Variants in NKAIN1 observed in about 807,000 individuals in gnomAD.
NKAIN1 encodes the protein sodium/potassium-transporting ATPase subunit beta-1-interacting protein 1.
NKAIN1 carries 13 observed loss-of-function variants against 31.6 expected under a neutral mutation model. The observed-to-expected ratio is 0.41, with a 90% CI of 0.27 to 0.65. The LOEUF (loss-of-function observed/expected upper bound fraction) is 0.65. Among genes scored for constraint, NKAIN1 ranks in the 30% least tolerant of loss-of-function variants. The pLI is 0.30. For synonymous variants in NKAIN1, 104 were observed against 109.0 expected (o/e 0.95, Z 0.28); for missense variants, 193 against 262.2 (o/e 0.74, Z 1.82).
At chr1:31,185,128 G>T in intron 3 of NKAIN1, 119 bp downstream of exon 3, 1 of 765,000 alleles carries the variant, frequency 1.3e-6, no homozygotes, top group Non-Finnish European at 2.2e-6. Context: ...ATTTGGGCAT[G>T]TAAGGAGAGA....
chr1:31,230,888 T>A (rs1375431844), intron 1 of NKAIN1, among the ~76,000 whole-genome samples: 1 of 148,672 alleles, frequency 6.7e-6, no homozygotes, highest in African/African-American at 2.5e-5. Context: ...ATTTTTTTTT[T>A]TTTTTTTTTT....
At chr1:31,229,347 G>A (rs143895785) in intron 1 of NKAIN1, among the ~76,000 whole-genome samples, 5 of 152,206 alleles carry the variant, frequency 3.3e-5, no homozygotes, top group African/African-American at 1.2e-4. Flanking sequence ...TCTGTAGTTT[G>A]AGACTTCATC....
At chr1:31,192,626 T>C (rs762655444) in intron 1 of NKAIN1, among the ~76,000 whole-genome samples, 15 of 151,686 alleles carry the variant, frequency 9.9e-5, no homozygotes, top group East Asian at 5.9e-4. Context: ...TATCAGCTCA[T>C]TGCAAGCTCC....
At chr1:31,184,553 G>A (rs1645227973) in intron 3 of NKAIN1, among the ~76,000 whole-genome samples, 1 of 152,144 alleles carries the variant, frequency 6.6e-6, no homozygotes. Context: ...ACCACATGAA[G>A]TTGCAGTTGC....
chr1:31,227,444 G>A (rs866789940), intron 1 of NKAIN1, among the ~76,000 whole-genome samples: 5 of 152,156 alleles, frequency 3.3e-5, no homozygotes, highest in African/African-American at 7.2e-5. Flanking sequence ...ATTCTGCTTC[G>A]GTGAAATAGA....
intron 1 of NKAIN1, among the ~76,000 whole-genome samples, chr1:31,219,735 T>C (rs973618862): frequency 2.0e-5 from 3 of 152,108 alleles, no homozygotes; most frequent in Non-Finnish European, 4.4e-5. Context: ...ACTCCAGGAG[T>C]AGCCCAAGGG....
intron 1 of NKAIN1, among the ~76,000 whole-genome samples, chr1:31,227,904 C>A (rs940624660): frequency 6.6e-6 from 1 of 152,154 alleles, no homozygotes; most frequent in African/African-American, 2.4e-5. Context: ...GTGTCAGAGT[C>A]CAGGGAGGGT....
At chr1:31,197,865 T>A (rs1645343480) in intron 1 of NKAIN1, among the ~76,000 whole-genome samples, 1 of 152,108 alleles carries the variant, frequency 6.6e-6, no homozygotes, top group South Asian at 2.1e-4. Context: ...CTTTTTATTT[T>A]TATTTTTTTG....
intron 1 of NKAIN1, among the ~76,000 whole-genome samples, chr1:31,201,708 G>C (rs1645381594): frequency 6.6e-6 from 1 of 152,276 alleles, no homozygotes; most frequent in East Asian, 1.9e-4. Flanking sequence ...CAGAGCAGTG[G>C]CAGGCTTGCC....
At chr1:31,210,331 C>A (rs1645458135) in intron 1 of NKAIN1, among the ~76,000 whole-genome samples, 2 of 150,164 alleles carry the variant, frequency 1.3e-5, no homozygotes. Flanking sequence ...CTCTGTCGCC[C>A]AGGCTGGAGT....
In NKAIN1 at chr1:31,185,312, C is replaced by T; in HGVS notation, c.208G>A (p.Val70Met). Residue 70 changes from valine (V) to methionine (M), a missense_variant, in exon 3 of 7, where the codon GTG (valine) becomes ATG (methionine). Val to Met is a conservative substitution (Grantham distance 21). Coordinates refer to ENST00000373736, the MANE Select transcript of NKAIN1 (RefSeq NM_024522.3). The part of the protein sequence containing the change: ...RYLILYAAWL[V>M]LWVGWNAFII... Reference sequence around the variant, plus strand: ...AATGCATTCCAGCCAACCCAGAGCACCAGCCAGGCTGCATACTGGGGAAAG... The same window carrying T: ...AATGCATTCCAGCCAACCCAGAGCATCAGCCAGGCTGCATACTGGGGAAAG... The T allele has an allele frequency of 6.2e-7, 1 of 1,609,674 alleles. No individual in the cohort carries two copies. The highest frequency in any genetic ancestry group is 8.5e-7 in the Non-Finnish European group (1 of 1,177,812).
chr1:31,185,251 G>T lies in NKAIN1; in HGVS notation c.269C>A (p.Ser90Tyr), dbSNP rs1417509225. Residue 90 changes from serine to tyrosine, a missense_variant, in exon 3 of 7, where the codon TCC (serine) becomes TAC (tyrosine). By Grantham distance (144) the Ser-to-Tyr change is moderately radical. Coordinates refer to ENST00000373736, the MANE Select transcript of NKAIN1 (RefSeq NM_024522.3). ...ICFYLEVGQL[S>Y]QDRDFIMTFN... ...ACTGCCAGGTCTGAGGCTTACCTGGGACAGCTGTCCAACCTCCAAGTAGAA... is the reference window on the plus strand; with the variant it reads ...ACTGCCAGGTCTGAGGCTTACCTGGTACAGCTGTCCAACCTCCAAGTAGAA... 1.9e-6 allele frequency: 3 copies of T among 1,607,582 alleles called. No homozygotes were observed. Among genetic ancestry groups the T allele is most frequent in the South Asian group, 1.1e-5 (1 of 89,562 alleles).
chr1:31,221,079 C>A (rs754460543), intron 1 of NKAIN1, among the ~76,000 whole-genome samples: 1 of 152,078 alleles, frequency 6.6e-6, no homozygotes, highest in Non-Finnish European at 1.5e-5. Context: ...GGTGAGCATG[C>A]GGGAGTACAG....
chr1:31,206,052 G>A (rs1189235420), intron 1 of NKAIN1, among the ~76,000 whole-genome samples: 1 of 149,840 alleles, frequency 6.7e-6, no homozygotes, highest in Non-Finnish European at 1.5e-5. Context: ...TGACCAATAT[G>A]ATGAAACCCC....
At chr1:31,236,834 CT>C (rs1645695920) in intron 1 of NKAIN1, among the ~76,000 whole-genome samples, 1 of 152,154 alleles carries the variant, frequency 6.6e-6, no homozygotes, top group South Asian at 2.1e-4. Context: ...GAGAGACACT[CT>C]ACCACCTTCA....
chr1:31,188,862 C>G (rs1433670230), intron 1 of NKAIN1, among the ~76,000 whole-genome samples: 1 of 151,870 alleles, frequency 6.6e-6, no homozygotes. Context: ...AAAATACAAA[C>G]CATTGCCAGG....
At chr1:31,213,577 A>G (rs976529689) in intron 1 of NKAIN1, among the ~76,000 whole-genome samples, 59 of 152,362 alleles carry the variant, frequency 3.9e-4, no homozygotes, top group African/African-American at 1.4e-3. Flanking sequence ...TCCTAGGTAT[A>G]TACACCTGAG....
chr1:31,200,457 TC>T (rs1645371327), intron 1 of NKAIN1, among the ~76,000 whole-genome samples: 1 of 96,128 alleles, frequency 1.0e-5, no homozygotes, highest in African/African-American at 3.2e-5. Flanking sequence ...GTCTCCTCTC[TC>T]TTTTTTTTTT....
intron 1 of NKAIN1, among the ~76,000 whole-genome samples, chr1:31,222,639 C>T (rs1645572830): frequency 6.6e-5 from 10 of 152,116 alleles, no homozygotes. Flanking sequence ...CAGAGGAGCA[C>T]ATTAAACAGC....
Sources: allele counts gnomAD v4.1 joint callset (sites outside exome capture counted in the v4.1 genomes callset), GRCh38; gene constraint gnomAD v4.1.1; transcripts MANE v1.5; gene names NCBI Gene and HGNC (gene_info 2026-07-23, HGNC 2026-07-21).